TPGS1: variants seen among roughly 807,000 people sequenced by gnomAD.
TPGS1 encodes gene trap ROSA b-geo 22.
Under a neutral mutation model 11.9 loss-of-function variants are expected in TPGS1, and 18 were observed. The observed-to-expected ratio is 1.51, with a 90% CI of 1.04 to 2.24. The LOEUF is 2.24. Ranked by LOEUF, TPGS1 falls within the 30% of genes most tolerant of loss-of-function variation. TPGS1 has a pLI of 0.00. For missense variants in TPGS1, 500 were observed against 443.0 expected (o/e 1.13, Z -1.16); for synonymous variants, 247 against 218.2 (o/e 1.13, Z -1.16).
chr19:514,864 C>T (rs1978905848), intron 1 of TPGS1, among the ~76,000 whole-genome samples: 1 of 152,208 alleles, frequency 6.6e-6, no homozygotes, highest in African/African-American at 2.4e-5. Flanking sequence ...GCAGCGGCCC[C>T]CACGCTGGCC....
chr19:508,553 T>C (rs916278753), intron 1 of TPGS1: 13 of 146,282 alleles, frequency 8.9e-5, no homozygotes, highest in Admixed American at 8.7e-4. Context: ...ATGGATGGGC[T>C]GATGTCTTTT....
intron 1 of TPGS1, among the ~76,000 whole-genome samples, chr19:515,491 A>C (rs535753167): frequency 1.3e-5 from 2 of 152,294 alleles, no homozygotes; most frequent in South Asian, 4.1e-4. Flanking sequence ...TAATCCCAGC[A>C]CTTTGGGAGG....
intron 1 of TPGS1, among the ~76,000 whole-genome samples, chr19:517,079 A>C (rs1978976192): frequency 6.6e-6 from 1 of 151,984 alleles, no homozygotes; most frequent in South Asian, 2.1e-4. Context: ...CCAGGGCTAT[A>C]ACCAAGACGA....
rs919102579 is a variant in TPGS1 at position 519,517 on chromosome 19, A to T, written c.*94A>T. On this transcript the variant is annotated 3_prime_UTR_variant, in exon 2 of 2. Transcript: ENST00000359315. The stretch of plus-strand genomic sequence containing the variant: ...CCCTTCGCCCTGGTGAGGCCCTGCC[A>T]TAACCAGGCGCCCAGCCCTGCGGAG... 6.5e-5 allele frequency: 71 copies of T among 1,090,502 alleles called. No homozygotes were observed. The highest frequency in any genetic ancestry group is 7.6e-5 in the Non-Finnish European group (67 of 880,746). The allele number at this position is 1,090,502 out of a possible 1,614,324, so 67.6% of individuals were successfully genotyped here. A position where few individuals can be genotyped will look rare whatever the true frequency, so the allele number is the denominator to read the frequency against.
chr19:509,006 C>T (rs1978709927), intron 1 of TPGS1: 1 of 152,294 alleles, frequency 6.6e-6, no homozygotes, highest in South Asian at 2.1e-4. Context: ...ATGGAAGGCC[C>T]CTGGTTTGAA....
chr19:507,917 C>T (rs1482559332), intron 1 of TPGS1, 73 bp downstream of exon 1: 3 of 1,189,510 alleles, frequency 2.5e-6, no homozygotes, highest in African/African-American at 1.6e-5. Flanking sequence ...GCGCGGCTCC[C>T]TACCCGCAGC....
At chr19:516,299 G>A (rs553249757) in intron 1 of TPGS1, among the ~76,000 whole-genome samples, 10 of 152,204 alleles carry the variant, frequency 6.6e-5, no homozygotes, top group East Asian at 3.9e-4. Context: ...TTTAAACATC[G>A]TAAGGCGGGA....
intron 1 of TPGS1, among the ~76,000 whole-genome samples, chr19:515,828 C>T (rs1177063441): frequency 1.3e-5 from 2 of 151,920 alleles, no homozygotes; most frequent in African/African-American, 4.8e-5. Flanking sequence ...GTCAGGAGAT[C>T]GAGACCATCC....
intron 1 of TPGS1, among the ~76,000 whole-genome samples, chr19:511,147 C>A (rs1213766378): frequency 6.6e-6 from 1 of 152,252 alleles, no homozygotes; most frequent in Non-Finnish European, 1.5e-5. Flanking sequence ...TTCCATTTTG[C>A]AATCAGGGAA....
chr19:511,881 G>GTT (rs35486040), intron 1 of TPGS1, among the ~76,000 whole-genome samples: 3,630 of 151,544 alleles, frequency 0.024, 93 homozygotes, highest in African/African-American at 0.066. Context: ...TTTTTTTGTT[G>GTT]TTTTTTTTGA....
At position 507,709 on chromosome 19, in the gene TPGS1, CTCACTACT is replaced by C. The variant is rs781042135; in HGVS notation, c.206_213del (p.His69ArgfsTer101). The C allele has an allele frequency of 4.3e-6, 6 of 1,398,182 alleles. No individual in the cohort carries two copies. The highest frequency in any genetic ancestry group is 1.9e-6 in the Non-Finnish European group (2 of 1,069,714). The allele number at this position is 1,398,182 out of a possible 1,614,324, so 86.6% of individuals were successfully genotyped here. On this transcript the variant is annotated frameshift_variant, in exon 1 of 2. Coordinates refer to ENST00000359315, the MANE Select transcript of TPGS1 (RefSeq NM_033513.3). LOFTEE classifies it high-confidence loss of function. ...CCCGAGGAGCCGATCGCCTTCCTGG[CTCACTACT>C]TCGAGAACATGGGCCTGCGCTCGCC... is the stretch of plus-strand genomic sequence containing the variant.
At position 519,136 on chromosome 19, in the gene TPGS1, G is replaced by T; in HGVS notation, c.586G>T (p.Ala196Ser). 1 of 1,514,766 alleles carries T rather than the reference G, an allele frequency of 6.6e-7. No individual in the cohort carries two copies. The highest frequency in any genetic ancestry group is 8.8e-7 in the Non-Finnish European group (1 of 1,139,128). 93.8% of individuals were successfully genotyped at this position (1,514,766 alleles called of 1,614,324 possible). Residue 196 changes from alanine (A) to serine (S), a missense_variant, in exon 2 of 2, where the codon GCG (alanine) becomes TCG (serine). Physicochemically the swap from Ala to Ser is moderately conservative, Grantham distance 99. Coordinates refer to ENST00000359315, the MANE Select transcript of TPGS1 (RefSeq NM_033513.3). ...CTGCTTCGTGCTGCTGGAGTTCGTG[G>T]CGCGCGCCGGCGCGCTCTTCCAGCT... is the stretch of plus-strand genomic sequence containing the variant. Reference protein sequence around the residue: ...LTCFVLLEFVARAGALFQLLE... With the variant: ...LTCFVLLEFVSRAGALFQLLE...
chr19:518,537 G>C (rs932202461), intron 1 of TPGS1, among the ~76,000 whole-genome samples: 3 of 103,400 alleles, frequency 2.9e-5, no homozygotes, highest in African/African-American at 1.2e-4. Context: ...GGGATGCTTG[G>C]GGGAGGGAGG....
chr19:517,286 G>T (rs746150002), intron 1 of TPGS1, among the ~76,000 whole-genome samples: 3 of 143,704 alleles, frequency 2.1e-5, no homozygotes, highest in Admixed American at 7.1e-5. Context: ...GGAAGGCAGT[G>T]TCACGGCCCT....
At chr19:517,058 T>C in intron 1 of TPGS1, among the ~76,000 whole-genome samples, 2 of 152,064 alleles carry the variant, frequency 1.3e-5, no homozygotes, top group Non-Finnish European at 2.9e-5. Flanking sequence ...GGCAGGGCAG[T>C]GTTCTGGGCA....
chr19:516,647 T>G (rs1335924614), intron 1 of TPGS1, among the ~76,000 whole-genome samples: 1 of 152,192 alleles, frequency 6.6e-6, no homozygotes, highest in Non-Finnish European at 1.5e-5. Flanking sequence ...CCTCCCAAAG[T>G]GCTGGGATTA....
In TPGS1 at chr19:515,373, C is replaced by T. The variant is rs1202224392; in HGVS notation, c.339-3516C>T. 2.0e-5 allele frequency among the ~76,000 whole-genome samples: 3 copies of T among 149,796 alleles called. No individual in the cohort carries two copies. In the East Asian group the frequency reaches 5.9e-4, roughly 29 times the overall value. On this transcript the variant is annotated intron_variant, in intron 1 of 1. Transcript: ENST00000359315. ...CCCTGATTGTACCACTGCTCTCCAG[C>T]CTGCACAACACAGTGAGACCCTGTC...
At chr19:518,633 G>T (rs1449723382) in intron 1 of TPGS1, among the ~76,000 whole-genome samples, 3 of 132,860 alleles carry the variant, frequency 2.3e-5, no homozygotes, top group Admixed American at 7.3e-5. Context: ...ATGCTTGGGG[G>T]AGGAGAGGCC....
At chr19:518,740 G>T in intron 1 of TPGS1, 149 bp from the exon 2 acceptor site, 1 of 823,250 alleles carries the variant, frequency 1.2e-6, no homozygotes, top group Non-Finnish European at 1.7e-6. Context: ...GAGGAGGAGG[G>T]GAGGCCGGGG....
Sources: gnomAD v4.1 joint callset for allele counts (sites outside exome capture counted in the v4.1 genomes callset) on GRCh38, gnomAD v4.1.1 for gene constraint, MANE v1.5 for transcripts, NCBI Gene and HGNC (gene_info 2026-07-23, HGNC 2026-07-21) for gene names.